The following CHN1 variants were observed in gnomAD, a reference collection of about 807,000 sequenced individuals.
CHN1 encodes N-chimaerin.
A neutral mutation model predicts 59.5 loss-of-function variants in CHN1; 37 were observed. The ratio of observed to expected loss-of-function variants is 0.62; its 90% CI spans 0.48 to 0.82. The LOEUF (loss-of-function observed/expected upper bound fraction) is 0.82, where lower values mean the gene tolerates loss of function less well. Ranked by LOEUF, CHN1 falls within the 40% of genes least tolerant of loss-of-function variation. The probability of loss-of-function intolerance (pLI) is 0.00; values close to 1 mark genes in which losing one functional copy is unlikely to be tolerated. For synonymous variants in CHN1, 206 were observed against 200.4 expected (o/e 1.03, Z -0.24); for missense variants, 469 against 571.0 (o/e 0.82, Z 1.82).
chr2:174,934,300 A>G (rs1414083527), intron 3 of CHN1, among the ~76,000 whole-genome samples: 4 of 152,210 alleles, frequency 2.6e-5, no homozygotes, highest in Non-Finnish European at 5.9e-5. Context: ...TTAGATTTTC[A>G]TAAGAAGTGC....
At chr2:174,973,728 G>C (rs1454785924) in intron 1 of CHN1, among the ~76,000 whole-genome samples, 2 of 152,184 alleles carry the variant, frequency 1.3e-5, no homozygotes, top group Non-Finnish European at 2.9e-5. Context: ...GTGGGCCCTG[G>C]AAGTCTGGAA....
intron 7 of CHN1, among the ~76,000 whole-genome samples, chr2:174,839,043 T>C (rs1362443724): frequency 6.6e-6 from 1 of 151,528 alleles, no homozygotes; most frequent in Non-Finnish European, 1.5e-5. Flanking sequence ...TTAGAAGAAG[T>C]GACAATTATT....
At chr2:174,993,276 G>C (rs775356524) in intron 1 of CHN1, among the ~76,000 whole-genome samples, 1 of 151,898 alleles carries the variant, frequency 6.6e-6, no homozygotes, top group Non-Finnish European at 1.5e-5. Flanking sequence ...ATTCCTGCTT[G>C]TTCATGTTAT....
intron 3 of CHN1, among the ~76,000 whole-genome samples, chr2:174,928,858 A>G (rs1158885869): frequency 6.6e-6 from 1 of 152,250 alleles, no homozygotes; most frequent in Non-Finnish European, 1.5e-5. Flanking sequence ...TCAATATGGT[A>G]ATAGCTAAGC....
At chr2:174,976,436 A>G (rs907082510) in intron 1 of CHN1, among the ~76,000 whole-genome samples, 1 of 151,820 alleles carries the variant, frequency 6.6e-6, no homozygotes, top group Non-Finnish European at 1.5e-5. Flanking sequence ...ACGGGGTTTC[A>G]CCATGTTGGC....
chr2:174,814,786 A>G (rs1375464938), intron 8 of CHN1, among the ~76,000 whole-genome samples: 3 of 152,200 alleles, frequency 2.0e-5, no homozygotes, highest in African/African-American at 4.8e-5. Flanking sequence ...TAAAAATTTC[A>G]TATTTGTCAG....
chr2:174,899,141 C>T (rs1030315883), intron 5 of CHN1, among the ~76,000 whole-genome samples: 1 of 151,856 alleles, frequency 6.6e-6, no homozygotes, highest in African/African-American at 2.4e-5. Context: ...CCAGTAGATT[C>T]TTTTTGAATG....
chr2:174,840,963 A>G (rs993298362), intron 7 of CHN1, among the ~76,000 whole-genome samples: 7 of 152,184 alleles, frequency 4.6e-5, no homozygotes, highest in Non-Finnish European at 1.0e-4. Flanking sequence ...GCGAGGCAGT[A>G]TAATACAGAG....
intron 7 of CHN1, among the ~76,000 whole-genome samples, chr2:174,840,542 C>T (rs770966687): frequency 6.6e-6 from 1 of 152,068 alleles, no homozygotes; most frequent in Non-Finnish European, 1.5e-5. Context: ...TTGCATATAT[C>T]CAGCAGTCAA....
chr2:174,817,638 CTTTT>C (rs958427207), intron 8 of CHN1, among the ~76,000 whole-genome samples: 2 of 129,434 alleles, frequency 1.5e-5, no homozygotes, highest in Non-Finnish European at 1.7e-5. Flanking sequence ...ATTTTTTTTT[CTTTT>C]TTTTTTTTTT....
intron 1 of CHN1, among the ~76,000 whole-genome samples, chr2:174,990,260 TGTGAGAGAGAGAGA>T (rs1290167892): frequency 1.0e-5 from 1 of 98,682 alleles, no homozygotes. Context: ...TGTGTGTGTG[TGTGAGAGAGAGAGA>T]GAGAGAGAGA....
intron 3 of CHN1, among the ~76,000 whole-genome samples, chr2:174,937,813 C>A (rs1689541489): frequency 6.6e-6 from 1 of 152,068 alleles, no homozygotes; most frequent in East Asian, 1.9e-4. Flanking sequence ...CCCTCAGTTA[C>A]CATGTGATAT....
In CHN1 at chr2:174,832,378, C is replaced by T. The variant is rs1685909201; in HGVS notation, c.628-7860G>A. Among the ~76,000 whole-genome samples, 3 of 151,880 alleles carry T rather than the reference C, an allele frequency of 2.0e-5. 1 individual carries two copies. The highest frequency in any genetic ancestry group is 2.0e-4 in the Admixed American group (3 of 15,252). On this transcript the variant is annotated intron_variant, in intron 7 of 12. Coordinates refer to ENST00000409900, the MANE Select transcript of CHN1 (RefSeq NM_001822.7). ...TAATTGATTCTTCTTTTTCTAGTTTCTTAAGATGGAAGCTTAGCTCTTTGA... is the reference window on the plus strand; with the variant it reads ...TAATTGATTCTTCTTTTTCTAGTTTTTTAAGATGGAAGCTTAGCTCTTTGA...
In CHN1 at chr2:174,869,163, G is replaced by T. The variant is rs534169930; in HGVS notation, c.549+8677C>A. Among the ~76,000 whole-genome samples, 7 of 152,276 alleles carry T rather than the reference G, an allele frequency of 4.6e-5. No homozygotes were observed. In the South Asian group the frequency reaches 1.5e-3, roughly 32 times the overall value. ...CTGCACCCAGGAATCCTCCCTTGTT[G>T]TGTACTCAAATTTACTGAAGCATTT... is the stretch of plus-strand genomic sequence containing the variant. On this transcript the variant is annotated intron_variant, in intron 6 of 12. Coordinates refer to ENST00000409900, the MANE Select transcript of CHN1 (RefSeq NM_001822.7).
intron 7 of CHN1, chr2:174,846,456 A>G (rs1455042431): frequency 3.3e-6 from 5 of 1,519,038 alleles, no homozygotes; most frequent in Non-Finnish European, 4.4e-6. Context: ...AATGCAAACC[A>G]TCTGCTCAAT....
intron 3 of CHN1, among the ~76,000 whole-genome samples, chr2:174,929,213 C>T (rs1372501572): frequency 2.6e-5 from 4 of 152,164 alleles, no homozygotes; most frequent in African/African-American, 4.8e-5. Context: ...TCACTATCTA[C>T]GATCAAATTT....
chr2:174,928,968 G>A lies in CHN1; in HGVS notation c.115-10403C>T, dbSNP rs1057367612. On this transcript the variant is annotated intron_variant, in intron 3 of 12. Coordinates refer to ENST00000409900, the MANE Select transcript of CHN1 (RefSeq NM_001822.7). ...CTTATAAAAGACCTACATAGAGTTG[G>A]AAGTGACTTACAGGGAAAAAAATCA... Among the ~76,000 whole-genome samples the A allele has an allele frequency of 3.3e-5, 5 of 152,264 alleles. No homozygotes were observed. The East Asian group carries it at 9.7e-4, about 29-fold the overall frequency.
At chr2:174,821,525 G>A (rs938705894) in intron 8 of CHN1, among the ~76,000 whole-genome samples, 6 of 152,232 alleles carry the variant, frequency 3.9e-5, no homozygotes, top group Non-Finnish European at 7.3e-5. Flanking sequence ...AGTATTAAGA[G>A]AAGGGACCTT....
intron 3 of CHN1, among the ~76,000 whole-genome samples, chr2:174,944,428 A>T (rs1278018920): frequency 6.6e-6 from 1 of 152,200 alleles, no homozygotes; most frequent in Non-Finnish European, 1.5e-5. Context: ...CATTTCTCTT[A>T]TTATCAATGA....
Sources: allele counts gnomAD v4.1 joint callset (sites outside exome capture counted in the v4.1 genomes callset), GRCh38; gene constraint gnomAD v4.1.1; transcripts MANE v1.5; gene names NCBI Gene and HGNC (gene_info 2026-07-23, HGNC 2026-07-21).